Variants in ACAD10 observed in about 807,000 individuals in gnomAD.
The protein encoded by ACAD10 is ACAD-10.
A neutral mutation model predicts 116.8 loss-of-function variants in ACAD10; 112 were observed. The observed-to-expected ratio is 0.96, with a 90% CI of 0.82 to 1.12. ACAD10 has a LOEUF of 1.12. Among genes scored for constraint, ACAD10 ranks in the 50% most tolerant of loss-of-function variants. The pLI is 0.00. For missense variants in ACAD10, 1,259 were observed against 1,350.2 expected (o/e 0.93, Z 1.06); for synonymous variants, 486 against 510.6 (o/e 0.95, Z 0.65).
At chr12:111,694,526 G>A (rs908716715) in intron 2 of ACAD10, among the ~76,000 whole-genome samples, 2 of 151,882 alleles carry the variant, frequency 1.3e-5, no homozygotes, top group Non-Finnish European at 2.9e-5. Context: ...AAAGGCAGCA[G>A]GGAAGAACAT....
intron 3 of ACAD10, among the ~76,000 whole-genome samples, chr12:111,705,453 G>A (rs1342366561): frequency 2.0e-5 from 3 of 152,034 alleles, no homozygotes; most frequent in Non-Finnish European, 4.4e-5. Context: ...AAAATCCTGA[G>A]CTCAAGCAGT....
intron 12 of ACAD10, among the ~76,000 whole-genome samples, chr12:111,737,480 C>A (rs2135982056): frequency 6.6e-6 from 1 of 152,288 alleles, no homozygotes; most frequent in Middle Eastern, 3.4e-3. Context: ...AGCCACCATG[C>A]CCAGCCTCTT....
intron 8 of ACAD10, among the ~76,000 whole-genome samples, chr12:111,723,711 G>T (rs1021104662): frequency 2.0e-5 from 3 of 150,426 alleles, no homozygotes; most frequent in East Asian, 3.9e-4. Context: ...CCTCCCGGAC[G>T]GGGTGGCTGC....
intron 5 of ACAD10, 48 bp downstream of exon 5, chr12:111,709,732 T>C: frequency 6.6e-7 from 1 of 1,526,122 alleles, no homozygotes; most frequent in Non-Finnish European, 8.9e-7. Flanking sequence ...CAGCCACTAA[T>C]GCAATGTTTC....
At chr12:111,716,086 C>T (rs1346775368) in intron 7 of ACAD10, 124 bp downstream of exon 7, 13 of 1,385,410 alleles carry the variant, frequency 9.4e-6, no homozygotes, top group Middle Eastern at 2.6e-4. Context: ...CAATTATGGG[C>T]CAGGCTTGGT....
At position 111,740,603 on chromosome 12, in the gene ACAD10, C is replaced by G. The variant is rs1000340970; in HGVS notation, c.1714+3599C>G. On this transcript the variant is annotated intron_variant, in intron 12 of 20. Transcript: ENST00000313698. Reference sequence around the variant, plus strand: ...TGAAACCCCGTCTCTACTAAAAATACAAAAATTAGCTGGGCTTGGTGGTGT... The same window carrying G: ...TGAAACCCCGTCTCTACTAAAAATAGAAAAATTAGCTGGGCTTGGTGGTGT... 1.1e-4 allele frequency among the ~76,000 whole-genome samples: 16 copies of G among 150,564 alleles called. 1 individual carries two copies. Among genetic ancestry groups the G allele is most frequent in the Non-Finnish European group, 2.4e-4 (16 of 67,668 alleles).
Position 111,733,947 on chromosome 12 carries a change from A to G in ACAD10, c.1419A>G (p.Pro473=). Reference sequence around the variant, plus strand: ...GGCTCGACAACCTGGTGTTTCATCCAGAAGAGCCAGAGGTGCTTGCTGTCC... The same window carrying G: ...GGCTCGACAACCTGGTGTTTCATCCGGAAGAGCCAGAGGTGCTTGCTGTCC... ...DFRLDNLVFH[P]EEPEVLAVLD... Residue 473 remains proline, a synonymous_variant, in exon 11 of 21, where the codon CCA becomes CCG. Coordinates refer to ENST00000313698, the MANE Select transcript of ACAD10 (RefSeq NM_025247.6). The G allele has an allele frequency of 6.2e-7, 1 of 1,614,232 alleles. No homozygotes were observed. The highest frequency in any genetic ancestry group is 8.5e-7 in the Non-Finnish European group (1 of 1,180,042).
rs375307751 is a variant in ACAD10 at position 111,748,491 on chromosome 12, G to A, written c.2644+16G>A. On this transcript the variant is annotated intron_variant, in intron 17 of 20. Transcript: ENST00000313698. ...GATGCACCAGGTGAGACCTCCAGGG[G>A]CGGGTCACCCCTGGGTGTGGGTCTG... is the stretch of plus-strand genomic sequence containing the variant. 5.0e-6 allele frequency: 8 copies of A among 1,612,254 alleles called. No homozygotes were observed. The African/African-American group carries it at 9.3e-5, about 19-fold the overall frequency.
At chr12:111,734,772 T>C (rs941360631) in intron 11 of ACAD10, among the ~76,000 whole-genome samples, 3 of 152,232 alleles carry the variant, frequency 2.0e-5, no homozygotes, top group Non-Finnish European at 4.4e-5. Flanking sequence ...TTCTTCTGTG[T>C]GTATATGTAC....
intron 3 of ACAD10, among the ~76,000 whole-genome samples, chr12:111,705,136 T>C (rs1312672703): frequency 1.3e-5 from 2 of 152,166 alleles, no homozygotes; most frequent in African/African-American, 2.4e-5. Context: ...ATATACTTCA[T>C]ATACTTTTAG....
Position 111,749,201 on chromosome 12 carries a change from C to T in ACAD10, c.2673C>T (p.His891=), listed in dbSNP as rs747610280. Residue 891 remains histidine, a synonymous_variant, in exon 18 of 21, where the codon CAC becomes CAT. Transcript: ENST00000313698. The stretch of plus-strand genomic sequence containing the variant: ...GCCATGGTGAAGTCCGATTTGAGCA[C>T]GTGCGTGTGCCCAAAGAGAACATGG... The part of the protein sequence containing the change: ...PGGHGEVRFE[H]VRVPKENMVL... 5.0e-6 allele frequency: 8 copies of T among 1,613,772 alleles called. No individual in the cohort carries two copies. Among genetic ancestry groups the T allele is most frequent in the African/African-American group, 2.7e-5 (2 of 75,050 alleles).
intron 8 of ACAD10, among the ~76,000 whole-genome samples, chr12:111,725,453 G>A (rs2135970449): frequency 6.6e-6 from 1 of 152,250 alleles, no homozygotes; most frequent in South Asian, 2.1e-4. Context: ...GGTGGAGGCT[G>A]CAGTGAGCTG....
intron 8 of ACAD10, among the ~76,000 whole-genome samples, chr12:111,723,684 A>ACC (rs374895437): frequency 4.7e-4 from 40 of 84,242 alleles, no homozygotes; most frequent in South Asian, 7.8e-4. Context: ...CGGGGGGCTG[A>ACC]CCCCCCCCCC....
chr12:111,754,837 T>G (rs1189940260), intron 19 of ACAD10, among the ~76,000 whole-genome samples: 1 of 152,266 alleles, frequency 6.6e-6, no homozygotes, highest in Non-Finnish European at 1.5e-5. Context: ...CTTCAGTGTG[T>G]GCTGGCTGTG....
intron 12 of ACAD10, among the ~76,000 whole-genome samples, chr12:111,738,998 T>C (rs912554488): frequency 9.0e-5 from 1 of 11,074 alleles, no homozygotes; most frequent in South Asian, 3.4e-3. Flanking sequence ...GAAAATGGGG[T>C]GGGGGGGTGG....
chr12:111,756,943 A>C lies in ACAD10; in HGVS notation c.*470A>C, dbSNP rs965618806. On this transcript the variant is annotated 3_prime_UTR_variant, in exon 21 of 21. Coordinates refer to ENST00000313698, the MANE Select transcript of ACAD10 (RefSeq NM_025247.6). ...GCGGGCGGTGGCCTAGAGACCCAGG[A>C]CCTGGGCGCCTGGGAAAATGGAATG... is the stretch of plus-strand genomic sequence containing the variant. 2.2e-6 allele frequency: 1 copy of C among 449,064 alleles called. No homozygotes were observed. The highest frequency in any genetic ancestry group is 4.5e-6 in the Non-Finnish European group (1 of 223,170). 27.8% of individuals were successfully genotyped at this position (449,064 alleles called of 1,614,324 possible).
At chr12:111,692,980 C>G in intron 2 of ACAD10, 84 bp downstream of exon 2, 15 of 1,485,974 alleles carry the variant, frequency 1.0e-5, no homozygotes, top group Non-Finnish European at 1.4e-5. Context: ...GAGGGGAACA[C>G]TTGGGCAGCA....
chr12:111,730,664 T>A (rs888257761), intron 10 of ACAD10, among the ~76,000 whole-genome samples: 1 of 152,204 alleles, frequency 6.6e-6, no homozygotes, highest in African/African-American at 2.4e-5. Flanking sequence ...GCATGCCTTA[T>A]TTGGCTTGTC....
intron 7 of ACAD10, 145 bp from the exon 8 acceptor site, chr12:111,721,526 C>A (rs1889012364): frequency 1.6e-6 from 1 of 619,770 alleles, no homozygotes; most frequent in Non-Finnish European, 2.7e-6. Context: ...CAAGATCGTG[C>A]CACTGCACTC....
Sources: gnomAD v4.1 joint callset for allele counts (sites outside exome capture counted in the v4.1 genomes callset) on GRCh38, gnomAD v4.1.1 for gene constraint, MANE v1.5 for transcripts, NCBI Gene and HGNC (gene_info 2026-07-23, HGNC 2026-07-21) for gene names.